Variants in BMPR1B observed in about 807,000 individuals in gnomAD.
BMPR1B encodes bone morphogenetic protein receptor type 1B.
Under a neutral mutation model 59.1 loss-of-function variants are expected in BMPR1B, and 12 were observed. That is an observed-to-expected ratio of 0.20 (90% CI 0.13 to 0.33). BMPR1B has a LOEUF of 0.33. Ranked by LOEUF, BMPR1B falls within the 10% of genes least tolerant of loss-of-function variation. BMPR1B has a pLI of 1.00. For missense variants in BMPR1B, 550 were observed against 610.9 expected, an observed-to-expected ratio of 0.90 and a Z score of 1.05; for synonymous variants, 237 against 207.3, an observed-to-expected ratio of 1.14 and a Z score of -1.23.
intron 3 of BMPR1B, among the ~76,000 whole-genome samples, chr4:95,009,162 A>G (rs1723054782): frequency 6.6e-6 from 1 of 152,232 alleles, no homozygotes; most frequent in African/African-American, 2.4e-5. Context: ...GTGAAGCAAC[A>G]CGAACTCTCA....
At chr4:94,831,239 A>AC (rs1724575056) in intron 1 of BMPR1B, among the ~76,000 whole-genome samples, 1 of 151,824 alleles carries the variant, frequency 6.6e-6, no homozygotes, top group Non-Finnish European at 1.5e-5. Context: ...AAAGTAAAAA[A>AC]AAAAAAAAAA....
intron 2 of BMPR1B, among the ~76,000 whole-genome samples, chr4:94,906,158 TA>T (rs1376527331): frequency 6.6e-6 from 1 of 152,044 alleles, no homozygotes; most frequent in Non-Finnish European, 1.5e-5. Flanking sequence ...TCCTGGCTGC[TA>T]AAGATAAATA....
chr4:94,879,447 T>A (rs906007573), intron 2 of BMPR1B, among the ~76,000 whole-genome samples: 1 of 151,948 alleles, frequency 6.6e-6, no homozygotes, highest in Non-Finnish European at 1.5e-5. Flanking sequence ...TAAAAAATTT[T>A]AAAAAATTAG....
intron 3 of BMPR1B, among the ~76,000 whole-genome samples, chr4:95,052,832 C>T (rs995067453): frequency 6.6e-6 from 1 of 152,116 alleles, no homozygotes; most frequent in Admixed American, 6.5e-5. Flanking sequence ...GGTATTTCAT[C>T]AACCTAGTTT....
chr4:94,766,792 C>T (rs1721987257), intron 1 of BMPR1B, among the ~76,000 whole-genome samples: 1 of 151,674 alleles, frequency 6.6e-6, no homozygotes, highest in Non-Finnish European at 1.5e-5. Flanking sequence ...CTTTCTTTTT[C>T]ACTTGACTTT....
At chr4:95,070,148 A>G (rs1415107000) in intron 3 of BMPR1B, among the ~76,000 whole-genome samples, 1 of 152,166 alleles carries the variant, frequency 6.6e-6, no homozygotes, top group Non-Finnish European at 1.5e-5. Flanking sequence ...AAAAACTGTA[A>G]TCTTAGCTGT....
intron 2 of BMPR1B, among the ~76,000 whole-genome samples, chr4:94,884,694 A>G (rs182160270): frequency 7.3e-4 from 111 of 152,334 alleles, no homozygotes; most frequent in African/African-American, 2.6e-3. Flanking sequence ...ATCAACTGCA[A>G]ACATACATTT....
chr4:94,828,211 T>C (rs1214636095), intron 1 of BMPR1B, among the ~76,000 whole-genome samples: 2 of 152,356 alleles, frequency 1.3e-5, no homozygotes, highest in Non-Finnish European at 2.9e-5. Flanking sequence ...AAACATTGTG[T>C]GATCTTGATA....
chr4:94,961,905 C>A (rs1730367883), intron 2 of BMPR1B, among the ~76,000 whole-genome samples: 1 of 151,990 alleles, frequency 6.6e-6, no homozygotes, highest in African/African-American at 2.4e-5. Flanking sequence ...TTGAGATATC[C>A]ATCACCTTAA....
intron 3 of BMPR1B, among the ~76,000 whole-genome samples, chr4:95,097,186 G>A (rs12645001): frequency 0.31 from 46,595 of 148,438 alleles, 7,498 homozygotes; most frequent in Middle Eastern, 0.4. Flanking sequence ...AACCACACAT[G>A]TGTAGTGTCT....
At chr4:94,943,794 A>G (rs13127704) in intron 2 of BMPR1B, among the ~76,000 whole-genome samples, 37,624 of 152,124 alleles carry the variant, frequency 0.25, 4,684 homozygotes, top group South Asian at 0.36. Flanking sequence ...TCCTGAATTC[A>G]TTCTGTTTTT....
chr4:95,030,960 G>C (rs2050952012), intron 3 of BMPR1B, among the ~76,000 whole-genome samples: 1 of 151,966 alleles, frequency 6.6e-6, no homozygotes, highest in Non-Finnish European at 1.5e-5. Context: ...GTAATTTATA[G>C]ATTCAATGCC....
chr4:95,136,749 G>A, intron 10 of BMPR1B, among the ~76,000 whole-genome samples: 2 of 152,088 alleles, frequency 1.3e-5, no homozygotes, highest in East Asian at 3.9e-4. Flanking sequence ...GGGATCGGTG[G>A]TGATATCCCC....
chr4:94,821,898 C>T (rs1014736239), intron 1 of BMPR1B, among the ~76,000 whole-genome samples: 3 of 152,182 alleles, frequency 2.0e-5, no homozygotes, highest in Non-Finnish European at 4.4e-5. Context: ...TCTTTCTCCC[C>T]GGTTAATGAA....
chr4:95,113,579 A>G (rs1731786403), intron 4 of BMPR1B, among the ~76,000 whole-genome samples: 1 of 152,158 alleles, frequency 6.6e-6, no homozygotes, highest in Non-Finnish European at 1.5e-5. Context: ...ATATATGAGA[A>G]AAGGATAGAG....
At chr4:94,997,296 G>A (rs1722125018) in intron 3 of BMPR1B, among the ~76,000 whole-genome samples, 1 of 152,112 alleles carries the variant, frequency 6.6e-6, no homozygotes, top group South Asian at 2.1e-4. Flanking sequence ...AGCTGAAACT[G>A]GACACCATTA....
At chr4:94,992,511 T>A (rs1020586483) in intron 2 of BMPR1B, among the ~76,000 whole-genome samples, 6 of 152,242 alleles carry the variant, frequency 3.9e-5, no homozygotes, top group Admixed American at 2.0e-4. Flanking sequence ...AGCCTCATTT[T>A]CTTTATTTAA....
At chr4:95,060,373 C>A (rs1727266600) in intron 3 of BMPR1B, among the ~76,000 whole-genome samples, 1 of 152,146 alleles carries the variant, frequency 6.6e-6, no homozygotes, top group Non-Finnish European at 1.5e-5. Flanking sequence ...AAGTAACTTA[C>A]CCATATACCC....
At chr4:94,907,571 A>T (rs1728095530) in intron 2 of BMPR1B, among the ~76,000 whole-genome samples, 1 of 151,940 alleles carries the variant, frequency 6.6e-6, no homozygotes, top group African/African-American at 2.4e-5. Context: ...TTAAGATGTA[A>T]ATCAAGAAAT....
Sources: gnomAD v4.1 joint callset for allele counts (sites outside exome capture counted in the v4.1 genomes callset) on GRCh38, gnomAD v4.1.1 for gene constraint, MANE v1.5 for transcripts, NCBI Gene and HGNC (gene_info 2026-07-23, HGNC 2026-07-21) for gene names.